The following ANKHD1 variants were observed in gnomAD, a reference collection of about 807,000 sequenced individuals.
ANKHD1 encodes the protein ankyrin repeat and KH domain containing 1, also known as ankyrin repeat and KH domain-containing protein 1.
In ANKHD1, 31 loss-of-function variants were observed where a neutral mutation model predicts 230.5. The observed-to-expected ratio is 0.13, with a 90% CI of 0.10 to 0.18. The LOEUF is 0.18. Among genes scored for constraint, ANKHD1 ranks in the 10% least tolerant of loss-of-function variants. The probability of loss-of-function intolerance (pLI) is 1.00; values close to 1 mark genes in which losing one functional copy is unlikely to be tolerated. For missense variants in ANKHD1, 2,256 were observed against 3,071.3 expected, an observed-to-expected ratio of 0.73 and a Z score of 6.27; for synonymous variants, 1,074 against 1,117.6, an observed-to-expected ratio of 0.96 and a Z score of 0.78.
At chr5:140,443,692 A>G (rs1774048812) in intron 5 of ANKHD1, among the ~76,000 whole-genome samples, 1 of 152,024 alleles carries the variant, frequency 6.6e-6, no homozygotes, top group African/African-American at 2.4e-5. Context: ...AAAAAAAAAA[A>G]AAAAGAAAAA....
chr5:140,478,386 A>T (rs1180852832), intron 10 of ANKHD1, among the ~76,000 whole-genome samples: 1 of 150,828 alleles, frequency 6.6e-6, no homozygotes, highest in Non-Finnish European at 1.5e-5. Context: ...TTTAGGGGAA[A>T]AGGCACAGAT....
intron 31 of ANKHD1, 188 bp downstream of exon 31, chr5:140,537,777 G>A (rs1026244691): frequency 3.1e-5 from 31 of 998,130 alleles, no homozygotes; most frequent in Non-Finnish European, 3.6e-5. Flanking sequence ...ATTGGTTGAG[G>A]TAATACATAG....
chr5:140,407,535 G>A (rs1293899928), intron 1 of ANKHD1, among the ~76,000 whole-genome samples: 2 of 151,124 alleles, frequency 1.3e-5, no homozygotes. Context: ...CTCCCAAAGA[G>A]CTAGGTCTAA....
intron 14 of ANKHD1, among the ~76,000 whole-genome samples, chr5:140,488,624 G>A (rs1036986887): frequency 6.6e-6 from 1 of 151,506 alleles, no homozygotes; most frequent in African/African-American, 2.4e-5. Context: ...TATAGGCCAC[G>A]TGTGGTGGCT....
At chr5:140,498,817 T>A (rs1395844801) in intron 15 of ANKHD1, among the ~76,000 whole-genome samples, 1 of 151,728 alleles carries the variant, frequency 6.6e-6, no homozygotes, top group Admixed American at 6.6e-5. Flanking sequence ...TTTGCAGTTA[T>A]GAAATCTGTG....
intron 1 of ANKHD1, among the ~76,000 whole-genome samples, chr5:140,404,267 A>G (rs1481100721): frequency 6.6e-6 from 1 of 152,188 alleles, no homozygotes; most frequent in African/African-American, 2.4e-5. Context: ...ACTAAAGATT[A>G]GAGCTTATTT....
chr5:140,476,937 G>A (rs1751001969), intron 10 of ANKHD1, among the ~76,000 whole-genome samples: 1 of 152,082 alleles, frequency 6.6e-6, no homozygotes, highest in Non-Finnish European at 1.5e-5. Context: ...TTCAGGAGGA[G>A]AAGGTACTGA....
chr5:140,471,539 A>G (rs1472423900), intron 10 of ANKHD1, among the ~76,000 whole-genome samples: 2 of 152,220 alleles, frequency 1.3e-5, no homozygotes, highest in Admixed American at 6.5e-5. Context: ...AGGAGCATGC[A>G]CTTTCTTAGG....
intron 9 of ANKHD1, among the ~76,000 whole-genome samples, chr5:140,460,918 GTTA>G (rs1775657596): frequency 6.6e-6 from 1 of 152,178 alleles, no homozygotes; most frequent in South Asian, 2.1e-4. Flanking sequence ...AATCATTCTA[GTTA>G]TTGTATATAT....
intron 7 of ANKHD1, among the ~76,000 whole-genome samples, chr5:140,456,811 T>C (rs1775231638): frequency 1.3e-5 from 2 of 152,120 alleles, no homozygotes; most frequent in South Asian, 4.1e-4. Context: ...GGACTTCATG[T>C]CTAAAACACC....
intron 10 of ANKHD1, 129 bp downstream of exon 10, chr5:140,464,905 C>G: frequency 1.1e-6 from 1 of 914,072 alleles, no homozygotes. Context: ...GCTTGGCTAC[C>G]TGTTCTAGTT....
intron 5 of ANKHD1, among the ~76,000 whole-genome samples, chr5:140,441,422 C>T (rs572915458): frequency 6.6e-6 from 1 of 152,134 alleles, no homozygotes; most frequent in Non-Finnish European, 1.5e-5. Flanking sequence ...TTTGCCACAA[C>T]ATGGATGGAC....
chr5:140,526,514 A>G (rs1435889614), intron 26 of ANKHD1, 71 bp downstream of exon 26: 1 of 1,506,796 alleles, frequency 6.6e-7, no homozygotes. Flanking sequence ...AATTTGAAGT[A>G]TATTAATCCA....
intron 14 of ANKHD1, among the ~76,000 whole-genome samples, chr5:140,488,375 A>G (rs927474664): frequency 3.3e-5 from 5 of 152,096 alleles, no homozygotes; most frequent in South Asian, 2.1e-4. Flanking sequence ...ATCTGAGGTC[A>G]GGAGTTCAAG....
Position 140,529,036 on chromosome 5 carries a change from A to C in ANKHD1, c.6090A>C (p.Lys2030Asn). Reference protein sequence around the residue: ...SFSAVPPTKEKVSTQDQPMAN... With the variant: ...SFSAVPPTKENVSTQDQPMAN... ...CTGCTGTGCCACCCACCAAAGAGAA[A>C]GTGTCCACACAGGACCAGCCCATGG... The change falls in exon 29 of 34, where the codon AAA becomes AAC. Residue 2030 changes from lysine (K) to asparagine (N), a missense_variant. Coordinates refer to ENST00000360839, the MANE Select transcript of ANKHD1 (RefSeq NM_017747.3). 6.2e-7 allele frequency: 1 copy of C among 1,614,134 alleles called. No individual in the cohort carries two copies. The highest frequency in any genetic ancestry group is 8.5e-7 in the Non-Finnish European group (1 of 1,180,036).
At chr5:140,538,670 AAT>A (rs1754180826) in intron 32 of ANKHD1, among the ~76,000 whole-genome samples, 1 of 152,212 alleles carries the variant, frequency 6.6e-6, no homozygotes, top group African/African-American at 2.4e-5. Context: ...ATTTTTATCA[AAT>A]ATGAGAAATT....
chr5:140,465,540 A>G (rs1217591706), intron 10 of ANKHD1, among the ~76,000 whole-genome samples: 1 of 152,206 alleles, frequency 6.6e-6, no homozygotes, highest in Non-Finnish European at 1.5e-5. Flanking sequence ...TACATTTCTT[A>G]AAAACTTATG....
At chr5:140,520,482 A>G (rs1214733627) in intron 24 of ANKHD1, among the ~76,000 whole-genome samples, 4 of 152,074 alleles carry the variant, frequency 2.6e-5, no homozygotes, top group African/African-American at 9.7e-5. Context: ...ATGCACACGT[A>G]TGTTTATTGC....
chr5:140,423,487 A>G (rs1772155993), intron 1 of ANKHD1, among the ~76,000 whole-genome samples: 1 of 152,206 alleles, frequency 6.6e-6, no homozygotes, highest in Non-Finnish European at 1.5e-5. Flanking sequence ...GTCCATCAGC[A>G]TAAGATTGTC....
Sources: allele counts gnomAD v4.1 joint callset (sites outside exome capture counted in the v4.1 genomes callset), GRCh38; gene constraint gnomAD v4.1.1; transcripts MANE v1.5; gene names NCBI Gene and HGNC (gene_info 2026-07-23, HGNC 2026-07-21).